The following EXTL2 variants were observed in gnomAD, a reference collection of about 807,000 sequenced individuals.
EXTL2 encodes exostosin-like 2.
Under a neutral mutation model 30.7 loss-of-function variants are expected in EXTL2, and 23 were observed. The ratio of observed to expected loss-of-function variants is 0.75; its 90% CI spans 0.54 to 1.06. EXTL2 has a LOEUF of 1.06. EXTL2 is among the 50% of genes least tolerant of loss of function. EXTL2 has a pLI of 0.00. For synonymous variants in EXTL2, 123 were observed against 133.8 expected (o/e 0.92, Z 0.56); for missense variants, 352 against 396.3 (o/e 0.89, Z 0.95).
intron 1 of EXTL2, 170 bp from the exon 2 acceptor site, chr1:100,888,998 T>A (rs1650196102): frequency 2.5e-6 from 1 of 393,036 alleles, no homozygotes; most frequent in African/African-American, 2.0e-5. Context: ...GGCAATGAGG[T>A]AGATGATTAA....
Position 100,874,311 on chromosome 1 carries a change from G to GTAC in EXTL2, c.621_623dup (p.Gln207_Tyr208insTer), listed in dbSNP as rs769675035. On this transcript the variant is annotated stop_gained, in exon 5 of 5. Transcript: ENST00000370114. LOFTEE classifies it high-confidence loss of function. Reference sequence around the variant, plus strand: ...ATGAGGCTCCAATCAGCACCATAGAGTACTGGTCACCATTTCCAGACCCTG... The same window carrying GTAC: ...ATGAGGCTCCAATCAGCACCATAGAGTACTACTGGTCACCATTTCCAGACCCTG... The GTAC allele has an allele frequency of 5.5e-5, 89 of 1,612,794 alleles. No individual in the cohort carries two copies. Among genetic ancestry groups the GTAC allele is most frequent in the Non-Finnish European group, 7.5e-5 (88 of 1,179,438 alleles).
chr1:100,889,229 A>C (rs1293125556), intron 1 of EXTL2, among the ~76,000 whole-genome samples: 1 of 152,210 alleles, frequency 6.6e-6, no homozygotes, highest in Non-Finnish European at 1.5e-5. Flanking sequence ...GGAGAGAGTG[A>C]GTAAGCACAG....
At chr1:100,893,073 A>G (rs954618855) in intron 1 of EXTL2, among the ~76,000 whole-genome samples, 1 of 152,218 alleles carries the variant, frequency 6.6e-6, no homozygotes, top group African/African-American at 2.4e-5. Flanking sequence ...TTTTCCACCC[A>G]TAGAGTCTGC....
rs771038547 is a variant in EXTL2, at chr1:100,877,848, A to C, written c.61T>G (p.Leu21Val). 1 of 1,600,926 alleles carries C rather than the reference A, an allele frequency of 6.2e-7. No homozygotes were observed. Among genetic ancestry groups the C allele is most frequent in the Admixed American group, 1.7e-5 (1 of 59,880 alleles). Residue 21 changes from leucine (L) to valine (V), a missense_variant, in exon 3 of 5, where the codon TTA becomes GTA. By Grantham distance (32) the Leu-to-Val change is conservative. Coordinates refer to ENST00000370114, the MANE Select transcript of EXTL2 (RefSeq NM_001033025.3). This position sits in a 1 kb window ranked among gnomAD's most constrained non-coding sequence, Gnocchi z 4.1. Reference protein sequence around the residue: ...GRVMGIRVLRLSLVVILVLLL... With the variant: ...GRVMGIRVLRVSLVVILVLLL... ...AATACGAGGATGACCACCAAAGATA[A>C]TCGAAGCACTCGAATCCCCATTACT...
chr1:100,879,723 A>G (rs1033390431), intron 2 of EXTL2, among the ~76,000 whole-genome samples: 6 of 151,906 alleles, frequency 3.9e-5, no homozygotes, highest in Non-Finnish European at 8.8e-5. Flanking sequence ...AGCTACTGTC[A>G]CTCTTCTTCT....
chr1:100,887,181 C>A (rs1006978267), intron 2 of EXTL2, among the ~76,000 whole-genome samples: 2 of 152,178 alleles, frequency 1.3e-5, no homozygotes, highest in Admixed American at 6.5e-5. Flanking sequence ...CTGTTCTGTT[C>A]TATAGAACCC....
At chr1:100,889,183 G>A (rs965066101) in intron 1 of EXTL2, among the ~76,000 whole-genome samples, 14 of 152,138 alleles carry the variant, frequency 9.2e-5, no homozygotes, top group East Asian at 3.8e-4. Context: ...TGACCATCAC[G>A]GAAGATGAAG....
intron 2 of EXTL2, among the ~76,000 whole-genome samples, chr1:100,887,671 C>G (rs1369932774): frequency 6.6e-6 from 1 of 152,098 alleles, no homozygotes; most frequent in Non-Finnish European, 1.5e-5. Flanking sequence ...AAATCAAACT[C>G]TCGACTCTCT....
At chr1:100,892,341 G>A (rs1028495217) in intron 1 of EXTL2, among the ~76,000 whole-genome samples, 1 of 152,126 alleles carries the variant, frequency 6.6e-6, no homozygotes, top group African/African-American at 2.4e-5. Flanking sequence ...CTCCTGTACT[G>A]GATGCTTCTT....
intron 2 of EXTL2, chr1:100,886,061 T>G (rs146911241): frequency 2.6e-5 from 4 of 152,378 alleles, no homozygotes; most frequent in Admixed American, 2.6e-4. Context: ...TACAGTGATA[T>G]GAATGGATCA....
rs1440850730 is a variant in EXTL2, at chr1:100,873,782, G to A, written c.*160C>T. On this transcript the variant is annotated 3_prime_UTR_variant, in exon 5 of 5. Coordinates refer to ENST00000370114, the MANE Select transcript of EXTL2 (RefSeq NM_001033025.3). ...AAGACCAACTTCTTGGCTTTCAAAA[G>A]TAATGTGAATTTTATATCCTAGAAG... 4.3e-6 allele frequency: 3 copies of A among 699,870 alleles called. No homozygotes were observed. The highest frequency in any genetic ancestry group is 6.7e-6 in the Non-Finnish European group (3 of 446,812). 43.4% of individuals were successfully genotyped at this position (699,870 alleles called of 1,614,324 possible).
intron 2 of EXTL2, among the ~76,000 whole-genome samples, chr1:100,882,491 A>G (rs1275136495): frequency 6.6e-6 from 1 of 152,244 alleles, no homozygotes; most frequent in East Asian, 1.9e-4. Flanking sequence ...GCCATTAGTT[A>G]TACTCAAACA....
chr1:100,894,402 C>T (rs1650698411), intron 1 of EXTL2, among the ~76,000 whole-genome samples: 1 of 152,100 alleles, frequency 6.6e-6, no homozygotes, highest in Non-Finnish European at 1.5e-5. Flanking sequence ...CTAACAAAGG[C>T]AAATACAAAA....
chr1:100,884,985 G>A (rs1291879565), intron 2 of EXTL2, among the ~76,000 whole-genome samples: 1 of 152,158 alleles, frequency 6.6e-6, no homozygotes, highest in Non-Finnish European at 1.5e-5. Flanking sequence ...GTCAATGAAT[G>A]CCTGAAACAT....
At chr1:100,874,454 TA>T in intron 4 of EXTL2, 24 bp from the exon 5 acceptor site, 1 of 1,536,758 alleles carries the variant, frequency 6.5e-7, no homozygotes, top group Non-Finnish European at 8.8e-7. Flanking sequence ...AAAAGAACAA[TA>T]AAATGTCACA....
chr1:100,876,874 A>G lies in EXTL2; in HGVS notation c.434-10T>C. The G allele has an allele frequency of 6.2e-7, 1 of 1,601,982 alleles. No homozygotes were observed. The highest frequency in any genetic ancestry group is 1.1e-5 in the South Asian group (1 of 90,774). The stretch of plus-strand genomic sequence containing the variant: ...TCTACCATCAACACTGCTAAAATGA[A>G]AGGACAAAAATTTAAGTTGAATAGT... On this transcript the variant is annotated splice_polypyrimidine_tract_variant and intron_variant, in intron 3 of 4. Coordinates refer to ENST00000370114, the MANE Select transcript of EXTL2 (RefSeq NM_001033025.3).
Position 100,874,448 on chromosome 1 carries a change from G to A in EXTL2, c.505-18C>T, listed in dbSNP as rs1394851647. 1 of 1,551,138 alleles carries A rather than the reference G, an allele frequency of 6.4e-7. No individual in the cohort carries two copies. Among genetic ancestry groups the A allele is most frequent in the African/African-American group, 1.4e-5 (1 of 72,342 alleles). Reference sequence around the variant, plus strand: ...GGAAATTGCTGAAAAGAGGGAAAAAGAACAATAAAATGTCACATATTTTTA... The same window carrying A: ...GGAAATTGCTGAAAAGAGGGAAAAAAAACAATAAAATGTCACATATTTTTA... On this transcript the variant is annotated intron_variant, in intron 4 of 4. Transcript: ENST00000370114.
At chr1:100,891,949 G>A (rs1287389237) in intron 1 of EXTL2, among the ~76,000 whole-genome samples, 1 of 152,148 alleles carries the variant, frequency 6.6e-6, no homozygotes, top group Non-Finnish European at 1.5e-5. Flanking sequence ...AGACGGAGTT[G>A]GTTAGGTCTG....
intron 2 of EXTL2, chr1:100,878,333 G>T: frequency 2.3e-6 from 1 of 440,744 alleles, no homozygotes; most frequent in Non-Finnish European, 4.7e-6. Context: ...AAACAATTAT[G>T]GTAGGTGTAT....
Sources: allele counts gnomAD v4.1 joint callset (sites outside exome capture counted in the v4.1 genomes callset), GRCh38; gene constraint gnomAD v4.1.1; non-coding constraint Gnocchi (gnomAD v3.1); transcripts MANE v1.5; gene names NCBI Gene and HGNC (gene_info 2026-07-23, HGNC 2026-07-21).